The following FPGS variants were observed in gnomAD, a reference collection of about 807,000 sequenced individuals.
The protein encoded by FPGS is folylpolyglutamate synthase, mitochondrial.
A neutral mutation model predicts 66.5 loss-of-function variants in FPGS; 53 were observed. That is an observed-to-expected ratio of 0.80 (90% CI 0.64 to 1.00). The LOEUF (loss-of-function observed/expected upper bound fraction) is 1.00. Ranked by LOEUF, FPGS falls within the 50% of genes least tolerant of loss-of-function variation. The probability of loss-of-function intolerance (pLI) is 0.00; values close to 1 mark genes in which losing one functional copy is unlikely to be tolerated. For synonymous variants in FPGS, 348 were observed against 350.9 expected, an observed-to-expected ratio of 0.99 and a Z score of 0.09; for missense variants, 702 against 807.7, an observed-to-expected ratio of 0.87 and a Z score of 1.59.
In FPGS at chr9:127,807,808, G is replaced by GAA; in HGVS notation, c.744+122_744+123dup. The stretch of plus-strand genomic sequence containing the variant: ...CTCCTCTCCAGACTATTTCCCCATT[G>GAA]AAACGTGAGGGATGGCTGGGCATGG... On this transcript the variant is annotated intron_variant, in intron 8 of 14. Coordinates refer to ENST00000373247, the MANE Select transcript of FPGS (RefSeq NM_004957.6). The surrounding 1 kb of genome is among the most constrained non-coding windows in gnomAD (Gnocchi z 5.8). 1.5e-6 allele frequency: 1 copy of GAA among 657,652 alleles called. No individual in the cohort carries two copies. The highest frequency in any genetic ancestry group is 2.2e-5 in the South Asian group (1 of 46,340). 40.7% of individuals were successfully genotyped at this position (657,652 alleles called of 1,614,324 possible).
downstream of FPGS, chr9:127,814,247 C>A: frequency 1.4e-6 from 1 of 712,334 alleles, no homozygotes; most frequent in Non-Finnish European, 1.7e-6. Context: ...CAGACTGAAG[C>A]CTGTTCACCA....
In FPGS at chr9:127,802,911, G is replaced by C; in HGVS notation, c.-14G>C. On this transcript the variant is annotated 5_prime_UTR_variant, in exon 1 of 15. Transcript: ENST00000373247. ...CCCGCCCGGGCCTAGAGCGCTGCCG[G>C]GGGCGCCGGGACTATGTCGCGGGCG... The C allele has an allele frequency of 2.9e-6, 4 of 1,357,726 alleles. No homozygotes were observed. The highest frequency in any genetic ancestry group is 3.8e-6 in the Non-Finnish European group (4 of 1,061,296). The allele number at this position is 1,357,726 out of a possible 1,614,324, so 84.1% of individuals were successfully genotyped here.
intron 14 of FPGS, among the ~76,000 whole-genome samples, chr9:127,811,557 C>T (rs1457386084): frequency 6.6e-6 from 1 of 152,140 alleles, no homozygotes; most frequent in Non-Finnish European, 1.5e-5. Flanking sequence ...ACAATCTCAG[C>T]TCACTGCAAC....
chr9:127,803,442 CAGG>C, intron 1 of FPGS: 1 of 1,008,130 alleles, frequency 9.9e-7, no homozygotes, highest in Non-Finnish European at 1.2e-6. Context: ...TTGAAAGATC[CAGG>C]AGTATTGATC....
rs1829848264 is a variant in FPGS, at chr9:127,807,177, G to A, written c.502-32G>A. The A allele has an allele frequency of 6.2e-7, 1 of 1,613,218 alleles. No individual in the cohort carries two copies. The highest frequency in any genetic ancestry group is 8.5e-7 in the Non-Finnish European group (1 of 1,179,326). ...TCTCCCCAGAGAAGGGGCTGCATGG[G>A]CTCTGGGCCCTGACATGTCCCTGTG... On this transcript the variant is annotated intron_variant, in intron 5 of 14. Coordinates refer to ENST00000373247, the MANE Select transcript of FPGS (RefSeq NM_004957.6). This position sits in a 1 kb window ranked among gnomAD's most constrained non-coding sequence, Gnocchi z 5.8.
At position 127,808,565 on chromosome 9, in the gene FPGS, T is replaced by C. The variant is rs762305751; in HGVS notation, c.830T>C (p.Leu277Pro). ...RDRAQQISCP[L>P]YLCPMLEALE... Reference sequence around the variant, plus strand: ...CCTGCCTGTCTCCCCTAGTGTCCTCTATACCTGTGTCCGATGCTGGAGGCC... The same window carrying C: ...CCTGCCTGTCTCCCCTAGTGTCCTCCATACCTGTGTCCGATGCTGGAGGCC... Residue 277 changes from leucine to proline, a missense_variant, in exon 10 of 15, where the codon CTA becomes CCA. Physicochemically the swap from Leu to Pro is moderately conservative, Grantham distance 98. Coordinates refer to ENST00000373247, the MANE Select transcript of FPGS (RefSeq NM_004957.6). 3 of 1,612,714 alleles carry C rather than the reference T, an allele frequency of 1.9e-6. No homozygotes were observed. The Admixed American group carries it at 5.0e-5, about 27-fold the overall frequency.
chr9:127,807,806 T>G lies in FPGS; in HGVS notation c.744+118T>G, dbSNP rs141628617. The G allele has an allele frequency of 1.5e-6, 1 of 670,998 alleles. No homozygotes were observed. The highest frequency in any genetic ancestry group is 2.5e-6 in the Non-Finnish European group (1 of 398,958). 41.6% of individuals were successfully genotyped at this position (670,998 alleles called of 1,614,324 possible). A position where few individuals can be genotyped will look rare whatever the true frequency, so the allele number is the denominator to read the frequency against. Reference sequence around the variant, plus strand: ...GTCTCCTCTCCAGACTATTTCCCCATTGAAACGTGAGGGATGGCTGGGCAT... The same window carrying G: ...GTCTCCTCTCCAGACTATTTCCCCAGTGAAACGTGAGGGATGGCTGGGCAT... On this transcript the variant is annotated intron_variant, in intron 8 of 14. Coordinates refer to ENST00000373247, the MANE Select transcript of FPGS (RefSeq NM_004957.6). The surrounding 1 kb of genome is among the most constrained non-coding windows in gnomAD (Gnocchi z 5.8).
Position 127,807,712 on chromosome 9 carries a change from GGA to G in FPGS, c.744+29_744+30del. 6.8e-7 allele frequency: 1 copy of G among 1,475,450 alleles called. No homozygotes were observed. The highest frequency in any genetic ancestry group is 1.2e-5 in the South Asian group (1 of 81,352). 91.4% of individuals were successfully genotyped at this position (1,475,450 alleles called of 1,614,324 possible). A position where few individuals can be genotyped will look rare whatever the true frequency, so the allele number is the denominator to read the frequency against. On this transcript the variant is annotated intron_variant, in intron 8 of 14. Coordinates refer to ENST00000373247, the MANE Select transcript of FPGS (RefSeq NM_004957.6). The surrounding 1 kb of genome is among the most constrained non-coding windows in gnomAD (Gnocchi z 5.8). ...AGGTGACCAGGCAGACTGGGGGAAG[GGA>G]GAGACATGGAAGGCCTGGGAGTCTA...
In FPGS at chr9:127,808,811, C is replaced by A. The variant is rs1250317133; in HGVS notation, c.982C>A (p.Pro328Thr). 2 of 1,559,788 alleles carry A rather than the reference C, an allele frequency of 1.3e-6. No homozygotes were observed. The highest frequency in any genetic ancestry group is 1.4e-5 in the African/African-American group (1 of 73,418). ...CACACACCCCGCAGGTGCTGGGGAG[C>A]CAAAGGCATCCAGGCCAGGGCTCCT... is the stretch of plus-strand genomic sequence containing the variant. ...QRQDRHGAGEPKASRPGLLWQ... is the reference protein window; with the variant it reads ...QRQDRHGAGETKASRPGLLWQ... Residue 328 changes from proline to threonine, a missense_variant, in exon 11 of 15, where the codon CCA becomes ACA. By Grantham distance (38) the Pro-to-Thr change is conservative (BLOSUM62 -1). This residue lies in a region of FPGS where 351 missense variants were observed against 363.7 expected (regional missense o/e 0.97). Transcript: ENST00000373247.
intron 11 of FPGS, 150 bp from the exon 12 acceptor site, chr9:127,809,534 G>A: frequency 1.6e-6 from 1 of 606,982 alleles, no homozygotes; most frequent in Non-Finnish European, 2.7e-6. Flanking sequence ...GCCATTGACT[G>A]GTGCTAGTAA....
chr9:127,807,510 T>G lies in FPGS; in HGVS notation c.641+28T>G, dbSNP rs764212982. On this transcript the variant is annotated intron_variant, in intron 7 of 14. Coordinates refer to ENST00000373247, the MANE Select transcript of FPGS (RefSeq NM_004957.6). The surrounding 1 kb of genome is among the most constrained non-coding windows in gnomAD (Gnocchi z 5.8). The stretch of plus-strand genomic sequence containing the variant: ...GAGCGCAGTTGCTTGGGACGAGGGG[T>G]GGCAGCCAGGAGCACAGCCTCACCT... 3 of 1,613,320 alleles carry G rather than the reference T, an allele frequency of 1.9e-6. No homozygotes were observed. The highest frequency in any genetic ancestry group is 2.2e-5 in the East Asian group (1 of 44,856).
rs1487204241 is a variant in FPGS at position 127,808,853 on chromosome 9, G to T, written c.1024G>T (p.Ala342Ser). Residue 342 changes from alanine (A) to serine (S), a missense_variant, in exon 11 of 15, where the codon GCA (alanine) becomes TCA (serine). By Grantham distance (99) the Ala-to-Ser change is moderately conservative. Transcript: ENST00000373247. Reference protein sequence around the residue: ...RPGLLWQLPLAPVFQPTSHMR... With the variant: ...RPGLLWQLPLSPVFQPTSHMR... ...AGGGCTCCTGTGGCAGCTGCCCCTG[G>T]CACCTGTGTTCCAGCCCACATCCCA... 1 of 1,562,508 alleles carries T rather than the reference G, an allele frequency of 6.4e-7. No individual in the cohort carries two copies. Among genetic ancestry groups the T allele is most frequent in the African/African-American group, 1.4e-5 (1 of 73,574 alleles).
At chr9:127,812,991 G>C (rs758587644) in intron 14 of FPGS, among the ~76,000 whole-genome samples, 8 of 152,184 alleles carry the variant, frequency 5.3e-5, no homozygotes, top group Non-Finnish European at 4.4e-5. Flanking sequence ...TCTGCCTCTC[G>C]TGACCTTGGT....
chr9:127,813,992 G>C lies in FPGS; in HGVS notation c.*388G>C. Reference sequence around the variant, plus strand: ...TCCCAGTGCCTTCTGGGAAGGGAGAGGGCCTCTGCCTGGGACACTGCGGGA... The same window carrying C: ...TCCCAGTGCCTTCTGGGAAGGGAGACGGCCTCTGCCTGGGACACTGCGGGA... On this transcript the variant is annotated 3_prime_UTR_variant, in exon 15 of 15. Coordinates refer to ENST00000373247, the MANE Select transcript of FPGS (RefSeq NM_004957.6). 9.5e-6 allele frequency: 10 copies of C among 1,047,900 alleles called. No homozygotes were observed. The highest frequency in any genetic ancestry group is 1.0e-5 in the Non-Finnish European group (9 of 871,272). The allele number at this position is 1,047,900 out of a possible 1,614,324, so 64.9% of individuals were successfully genotyped here. A position where few individuals can be genotyped will look rare whatever the true frequency, so the allele number is the denominator to read the frequency against.
In FPGS at chr9:127,812,348, G is replaced by T. The variant is rs1302321202; in HGVS notation, c.1355-847G>T. Among the ~76,000 whole-genome samples the T allele has an allele frequency of 6.1e-5, 9 of 147,386 alleles. No homozygotes were observed. In the East Asian group the frequency reaches 1.8e-3, roughly 29 times the overall value. On this transcript the variant is annotated intron_variant, in intron 14 of 14. Coordinates refer to ENST00000373247, the MANE Select transcript of FPGS (RefSeq NM_004957.6). Reference sequence around the variant, plus strand: ...TTTTTTTTTTTTTTTTCTTGAGACAGTCTCGTTCTGTCACTCAGGCTGCCC... The same window carrying T: ...TTTTTTTTTTTTTTTTCTTGAGACATTCTCGTTCTGTCACTCAGGCTGCCC...
At chr9:127,811,277 G>C (rs961476973) in intron 14 of FPGS, among the ~76,000 whole-genome samples, 1 of 151,866 alleles carries the variant, frequency 6.6e-6, no homozygotes, top group Non-Finnish European at 1.5e-5. Context: ...AGGAGATTGA[G>C]ACCATCCTGG....
chr9:127,813,948 T>C lies in FPGS; in HGVS notation c.*344T>C. 9.1e-7 allele frequency: 1 copy of C among 1,098,044 alleles called. No homozygotes were observed. Among genetic ancestry groups the C allele is most frequent in the South Asian group, 4.4e-5 (1 of 22,708 alleles). The allele number at this position is 1,098,044 out of a possible 1,614,324, so 68.0% of individuals were successfully genotyped here. On this transcript the variant is annotated 3_prime_UTR_variant, in exon 15 of 15. Coordinates refer to ENST00000373247, the MANE Select transcript of FPGS (RefSeq NM_004957.6). Reference sequence around the variant, plus strand: ...CCAGGCCCTGGGTCTTGCCATGTGCTGGGTGGTAGATTTCCTCCTCCCAGT... The same window carrying C: ...CCAGGCCCTGGGTCTTGCCATGTGCCGGGTGGTAGATTTCCTCCTCCCAGT...
intron 1 of FPGS, 113 bp downstream of exon 1, chr9:127,803,175 T>TG (rs895462892): frequency 6.5e-6 from 6 of 919,766 alleles, no homozygotes; most frequent in Non-Finnish European, 6.2e-6. Context: ...AGCCCTGGAC[T>TG]GGGGGACTCG....
downstream of FPGS, chr9:127,814,215 G>C: frequency 1.1e-6 from 1 of 945,954 alleles, no homozygotes; most frequent in South Asian, 4.9e-5. Flanking sequence ...CAGGTGGCCT[G>C]TCTGTGAGAT....
Sources: allele counts gnomAD v4.1 joint callset (sites outside exome capture counted in the v4.1 genomes callset), GRCh38; gene constraint gnomAD v4.1.1; regional missense constraint gnomAD v4.1.1; non-coding constraint Gnocchi (gnomAD v3.1); transcripts MANE v1.5; gene names NCBI Gene and HGNC (gene_info 2026-07-23, HGNC 2026-07-21).